The following IAH1 variants were observed in gnomAD, a reference collection of about 807,000 sequenced individuals.
The protein encoded by IAH1 is isoamyl acetate-hydrolyzing esterase 1 homolog.
In IAH1, 24 loss-of-function variants were observed where a neutral mutation model predicts 26.7. The ratio of observed to expected loss-of-function variants is 0.90; its 90% CI spans 0.65 to 1.26. The LOEUF (loss-of-function observed/expected upper bound fraction) is 1.26, where lower values mean the gene tolerates loss of function less well. IAH1 is among the 50% of genes most tolerant of loss of function. IAH1 has a pLI of 0.00. For synonymous variants in IAH1, 140 were observed against 118.5 expected, an observed-to-expected ratio of 1.18 and a Z score of -1.18; for missense variants, 300 against 299.9, an observed-to-expected ratio of 1.00 and a Z score of 0.00.
At chr2:9,511,254 G>A in the IAH1 span, among the ~76,000 whole-genome samples, 1 of 152,136 alleles carries the variant, frequency 6.6e-6, no homozygotes, top group Non-Finnish European at 1.5e-5. Flanking sequence ...TTCGAGACCA[G>A]CCTGGCCAAC....
At chr2:9,494,494 A>T, downstream of IAH1, 1 of 938,186 alleles carries the variant, frequency 1.1e-6, no homozygotes, top group Non-Finnish European at 1.6e-6. Flanking sequence ...TTCTCCTCCT[A>T]AGTAATACCC....
chr2:9,494,355 A>C (rs1662391923), downstream of IAH1, among the ~76,000 whole-genome samples: 1 of 152,182 alleles, frequency 6.6e-6, no homozygotes, highest in South Asian at 2.1e-4. Flanking sequence ...GGAAAACATA[A>C]TTAGGACCCA....
At chr2:9,498,862 G>A (rs1662807780), downstream of IAH1, among the ~76,000 whole-genome samples, 1 of 152,154 alleles carries the variant, frequency 6.6e-6, no homozygotes, top group African/African-American at 2.4e-5. Context: ...AAAGACTAAA[G>A]TCAGAGTATT....
At chr2:9,480,852 T>C (rs1248178218) in intron 3 of IAH1, 1 of 156,780 alleles carries the variant, frequency 6.4e-6, no homozygotes, top group Non-Finnish European at 1.4e-5. Context: ...CTTAGCTGTT[T>C]TGATTTTCAG....
At chr2:9,507,005 C>A in the IAH1 span, 2 of 152,162 alleles carry the variant, frequency 1.3e-5, no homozygotes, top group Non-Finnish European at 2.9e-5. Context: ...TAAGAAGTTA[C>A]AATCTCAAAG....
At chr2:9,479,220 A>G (rs1661007076) in intron 3 of IAH1, among the ~76,000 whole-genome samples, 1 of 152,234 alleles carries the variant, frequency 6.6e-6, no homozygotes, top group African/African-American at 2.4e-5. Flanking sequence ...AACCATAAGA[A>G]AACTCAAAAC....
At chr2:9,497,191 T>G, downstream of IAH1, 1 of 1,614,214 alleles carries the variant, frequency 6.2e-7, no homozygotes, top group Non-Finnish European at 8.5e-7. Context: ...CTTGCCAAGA[T>G]CCAAGCAAAC....
chr2:9,505,477 G>A, the IAH1 span: 11 of 1,137,460 alleles, frequency 9.7e-6, no homozygotes, highest in Admixed American at 2.2e-4. Context: ...CACCATCAGA[G>A]CCACCCTGGA....
In IAH1 at chr2:9,484,594, CAG is replaced by C. The variant is rs775461846; in HGVS notation, c.564+46_564+47del. ...TCCTCTCGGGGTAAATAGGATCACA[CAG>C]AAGTAAACCAGGTGTGTGTGCAGCA... On this transcript the variant is annotated intron_variant, in intron 5 of 5. Coordinates refer to ENST00000497473, the MANE Select transcript of IAH1 (RefSeq NM_001039613.3). 1.5e-5 allele frequency: 20 copies of C among 1,296,626 alleles called. No individual in the cohort carries two copies. The African/African-American group carries it at 2.6e-4, about 17-fold the overall frequency. The allele number at this position is 1,296,626 out of a possible 1,614,324, so 80.3% of individuals were successfully genotyped here. A position where few individuals can be genotyped will look rare whatever the true frequency, so the allele number is the denominator to read the frequency against.
At chr2:9,494,643 G>A (rs776882539), downstream of IAH1, 32 of 1,613,900 alleles carry the variant, frequency 2.0e-5, no homozygotes, top group South Asian at 3.3e-4. Context: ...TCACATTCAT[G>A]TCACAAAATC....
At position 9,489,140 on chromosome 2, in the gene IAH1, C is replaced by A. The variant is rs1661851287; in HGVS notation, c.*811C>A. 1 of 137,356 alleles carries A rather than the reference C, an allele frequency of 7.3e-6. No individual in the cohort carries two copies. The highest frequency in any genetic ancestry group is 2.3e-4 in the South Asian group (1 of 4,298). 8.5% of individuals were successfully genotyped at this position (137,356 alleles called of 1,614,324 possible). On this transcript the variant is annotated 3_prime_UTR_variant, in exon 6 of 6. Coordinates refer to ENST00000497473, the MANE Select transcript of IAH1 (RefSeq NM_001039613.3). ...TATCTCCTGGCTGGCTCATCACATT[C>A]AAAACAACCTGTTTTTTTTGTTGTT...
At position 9,487,815 on chromosome 2, in the gene IAH1, T is replaced by C. The variant is rs7566024; in HGVS notation, c.565-332T>C. ...GTGTGTGTGTGTGTGTGTGTGTGTGTGTGTGTGTGTGTGTGTGTGCGCGCG... is the reference window on the plus strand; with the variant it reads ...GTGTGTGTGTGTGTGTGTGTGTGTGCGTGTGTGTGTGTGTGTGTGCGCGCG... On this transcript the variant is annotated intron_variant, in intron 5 of 5. Transcript: ENST00000497473. 5.8e-3 allele frequency among the ~76,000 whole-genome samples: 541 copies of C among 93,216 alleles called. 1 individual carries two copies. The highest frequency in any genetic ancestry group is 0.012 in the South Asian group (37 of 3,168). 61.2% of individuals were successfully genotyped at this position (93,216 alleles called of 152,430 possible).
At chr2:9,491,019 C>G (rs1330163832), downstream of IAH1, 1 of 1,290,852 alleles carries the variant, frequency 7.7e-7, no homozygotes, top group African/African-American at 1.5e-5. Context: ...AGTGAAAGCT[C>G]TTGCTGGGTC....
upstream of IAH1, chr2:9,474,536 G>GGGGCC (rs747089336): frequency 8.3e-7 from 1 of 1,200,566 alleles, no homozygotes; most frequent in Non-Finnish European, 1.1e-6. This position sits in a 1 kb window ranked among gnomAD's most constrained non-coding sequence, Gnocchi z 4.3. Context: ...CTCGTGGCTG[G>GGGGCC]CGGCCCCGCC....
chr2:9,493,069 T>A, downstream of IAH1: 1 of 1,169,372 alleles, frequency 8.6e-7, no homozygotes, highest in Non-Finnish European at 1.2e-6. Flanking sequence ...ATTACCATTG[T>A]GTCAAATGCC....
chr2:9,482,724 C>G (rs556014584), intron 4 of IAH1, among the ~76,000 whole-genome samples: 1 of 152,188 alleles, frequency 6.6e-6, no homozygotes, highest in Non-Finnish European at 1.5e-5. Flanking sequence ...GCCTGTCATC[C>G]TTAGAGAAGG....
At chr2:9,490,484 G>A (rs144721235), downstream of IAH1, 18 of 1,613,922 alleles carry the variant, frequency 1.1e-5, no homozygotes, top group Non-Finnish European at 1.4e-5. Flanking sequence ...AATGCGAACC[G>A]ATGCAGAATC....
chr2:9,482,248 G>A (rs1235957190), intron 4 of IAH1, among the ~76,000 whole-genome samples: 5 of 151,992 alleles, frequency 3.3e-5, no homozygotes, highest in African/African-American at 9.7e-5. Flanking sequence ...GGCTGGTCTC[G>A]AACTCCTGAC....
At chr2:9,490,065 A>G, downstream of IAH1, 1 of 1,009,398 alleles carries the variant, frequency 9.9e-7, no homozygotes. Flanking sequence ...ACACATGACC[A>G]GCATCTGCTA....
Sources: gnomAD v4.1 joint callset for allele counts (sites outside exome capture counted in the v4.1 genomes callset) on GRCh38, gnomAD v4.1.1 for gene constraint, Gnocchi (gnomAD v3.1) non-coding constraint, MANE v1.5 for transcripts, NCBI Gene and HGNC (gene_info 2026-07-23, HGNC 2026-07-21) for gene names.